ZNF589: variants seen among roughly 807,000 people sequenced by gnomAD.
The protein encoded by ZNF589 is zinc finger protein 589.
Under a neutral mutation model 13.6 loss-of-function variants are expected in ZNF589, and 17 were observed. The observed-to-expected ratio is 1.25, with a 90% CI of 0.86 to 1.88. The LOEUF is 1.88. Among genes scored for constraint, ZNF589 ranks in the 40% most tolerant of loss-of-function variants. The pLI is 0.00. For synonymous variants in ZNF589, 148 were observed against 161.6 expected (o/e 0.92, Z 0.64); for missense variants, 407 against 434.0 (o/e 0.94, Z 0.55).
chr3:48,269,052 G>A lies in ZNF589; in HGVS notation c.*266G>A. 1.5e-6 allele frequency: 1 copy of A among 663,982 alleles called. No homozygotes were observed. The highest frequency in any genetic ancestry group is 2.6e-6 in the Non-Finnish European group (1 of 383,490). 41.1% of individuals were successfully genotyped at this position (663,982 alleles called of 1,614,324 possible). ...TGTGGGGAATGTGGGCGGGGATTTAGCCGGAGGATAGTCCTCAATGGACAC... is the reference window on the plus strand; with the variant it reads ...TGTGGGGAATGTGGGCGGGGATTTAACCGGAGGATAGTCCTCAATGGACAC... On this transcript the variant is annotated 3_prime_UTR_variant, in exon 4 of 4. Transcript: ENST00000354698.
intron 2 of ZNF589, 26 bp downstream of exon 2, chr3:48,247,703 TC>T: frequency 6.2e-7 from 1 of 1,610,892 alleles, no homozygotes; most frequent in Non-Finnish European, 8.5e-7. Flanking sequence ...CCTTCTCTTT[TC>T]TGAAATGCTG....
rs1223630271 is a variant in ZNF589 at position 48,260,874 on chromosome 3, G to C, written c.158G>C (p.Ser53Thr). ...ACTGAGGCAGAGTGGAAGAGACTGA[G>C]CCTTGAGCAGAGGAACCTATACAAA... ...LFTEAEWKRL[S>T]LEQRNLYKEV... Residue 53 changes from serine to threonine, a missense_variant, in exon 3 of 4, where the codon AGC becomes ACC. Ser to Thr is a moderately conservative substitution (Grantham distance 58). Transcript: ENST00000354698. 6.2e-7 allele frequency: 1 copy of C among 1,614,172 alleles called. No individual in the cohort carries two copies.
intron 2 of ZNF589, among the ~76,000 whole-genome samples, chr3:48,249,304 T>C (rs769937077): frequency 2.0e-4 from 30 of 152,182 alleles, no homozygotes; most frequent in Non-Finnish European, 2.9e-4. Flanking sequence ...GGTTTCACCA[T>C]GTTAGCCAGG....
chr3:48,245,470 G>A (rs1047512029), intron 1 of ZNF589, among the ~76,000 whole-genome samples: 3 of 152,120 alleles, frequency 2.0e-5, no homozygotes, highest in Admixed American at 6.6e-5. Context: ...TGTCAAGGAG[G>A]AAGCTTCAGA....
chr3:48,270,140 T>C lies in ZNF589; in HGVS notation c.*1354T>C, dbSNP rs766727215. 2.0e-5 allele frequency: 9 copies of C among 456,928 alleles called. No individual in the cohort carries two copies. The highest frequency in any genetic ancestry group is 1.4e-4 in the African/African-American group (7 of 50,066). The allele number at this position is 456,928 out of a possible 1,614,324, so 28.3% of individuals were successfully genotyped here. Reference sequence around the variant, plus strand: ...GACACTCTCCTGCTTTATTTTTTTCTACATCTCTAGCCTTTGCTGTTTCCT... The same window carrying C: ...GACACTCTCCTGCTTTATTTTTTTCCACATCTCTAGCCTTTGCTGTTTCCT... On this transcript the variant is annotated 3_prime_UTR_variant, in exon 4 of 4. Transcript: ENST00000354698.
intron 3 of ZNF589, among the ~76,000 whole-genome samples, chr3:48,266,090 T>C (rs904433789): frequency 6.6e-6 from 1 of 152,196 alleles, no homozygotes; most frequent in African/African-American, 2.4e-5. Flanking sequence ...CTAAATACTC[T>C]AAATACACCA....
At chr3:48,248,541 T>C (rs1260987081) in intron 2 of ZNF589, among the ~76,000 whole-genome samples, 1 of 152,164 alleles carries the variant, frequency 6.6e-6, no homozygotes. Flanking sequence ...TGCATATCCC[T>C]CTCCCCCAAC....
intron 1 of ZNF589, 86 bp downstream of exon 1, chr3:48,241,300 G>T: frequency 6.5e-7 from 1 of 1,533,098 alleles, no homozygotes. Context: ...CACCAGGGAT[G>T]CGCGTGGGGT....
intron 3 of ZNF589, among the ~76,000 whole-genome samples, chr3:48,265,163 G>T (rs752664805): frequency 6.6e-6 from 1 of 151,176 alleles, no homozygotes; most frequent in Admixed American, 6.6e-5. Flanking sequence ...GTAGAGATGA[G>T]GTTTCGCCAT....
intron 1 of ZNF589, among the ~76,000 whole-genome samples, chr3:48,241,907 C>T (rs2033702869): frequency 6.6e-6 from 1 of 151,918 alleles, no homozygotes; most frequent in Non-Finnish European, 1.5e-5. Flanking sequence ...CTCCGCTTTC[C>T]CAGGCTCAAG....
chr3:48,241,473 C>G (rs1376490050), intron 1 of ZNF589, among the ~76,000 whole-genome samples: 2 of 152,256 alleles, frequency 1.3e-5, no homozygotes, highest in African/African-American at 4.8e-5. Context: ...CCATAAATGG[C>G]TGCTGAGCAT....
At chr3:48,255,525 C>T (rs1354974347) in intron 2 of ZNF589, among the ~76,000 whole-genome samples, 6 of 119,918 alleles carry the variant, frequency 5.0e-5, no homozygotes, top group Non-Finnish European at 8.2e-5. Flanking sequence ...GACAAAGTCT[C>T]GCTCTTTCTC....
At chr3:48,245,784 C>G (rs2033756709) in intron 1 of ZNF589, among the ~76,000 whole-genome samples, 1 of 151,688 alleles carries the variant, frequency 6.6e-6, no homozygotes, top group Non-Finnish European at 1.5e-5. Flanking sequence ...CTGTCTCTAC[C>G]AAAAATACGA....
chr3:48,255,743 C>T (rs1459395798), intron 2 of ZNF589, among the ~76,000 whole-genome samples: 1 of 151,584 alleles, frequency 6.6e-6, no homozygotes, highest in Non-Finnish European at 1.5e-5. Context: ...CCTGCCTTAG[C>T]CCCCCAAAGT....
intron 2 of ZNF589, among the ~76,000 whole-genome samples, chr3:48,254,296 G>T (rs1425910404): frequency 1.3e-5 from 2 of 152,132 alleles, no homozygotes; most frequent in Non-Finnish European, 2.9e-5. Context: ...GTTTGTGTCG[G>T]TCATTTCTGG....
intron 3 of ZNF589, among the ~76,000 whole-genome samples, chr3:48,264,957 G>A (rs1183939601): frequency 6.6e-6 from 1 of 152,074 alleles, no homozygotes; most frequent in Non-Finnish European, 1.5e-5. Flanking sequence ...GGATGGATGG[G>A]GGTCCAGTTG....
At chr3:48,246,890 G>A (rs549386417) in intron 1 of ZNF589, among the ~76,000 whole-genome samples, 2 of 151,186 alleles carry the variant, frequency 1.3e-5, no homozygotes, top group East Asian at 2.0e-4. Context: ...GGATGGTCTC[G>A]ATCTCCTGAC....
intron 1 of ZNF589, among the ~76,000 whole-genome samples, chr3:48,245,818 G>A (rs2033757844): frequency 6.6e-6 from 1 of 151,632 alleles, no homozygotes; most frequent in Non-Finnish European, 1.5e-5. Context: ...ATGGTGGCAG[G>A]TGCCTGTAAT....
At chr3:48,267,692 G>T (rs1284331277) in intron 3 of ZNF589, among the ~76,000 whole-genome samples, 1 of 152,188 alleles carries the variant, frequency 6.6e-6, no homozygotes, top group East Asian at 1.9e-4. Flanking sequence ...ACTGTGCCCA[G>T]CCCTTTGTAT....
Sources: gnomAD v4.1 joint callset for allele counts (sites outside exome capture counted in the v4.1 genomes callset) on GRCh38, gnomAD v4.1.1 for gene constraint, MANE v1.5 for transcripts, NCBI Gene and HGNC (gene_info 2026-07-23, HGNC 2026-07-21) for gene names.